CRAT: variants seen among roughly 807,000 people sequenced by gnomAD.
The protein encoded by CRAT is carnitine O-acetyltransferase, also known as carnitine acetylase.
Under a neutral mutation model 73.7 loss-of-function variants are expected in CRAT, and 66 were observed. That is an observed-to-expected ratio of 0.90 (90% CI 0.73 to 1.10). CRAT has a LOEUF of 1.10. Ranked by LOEUF, CRAT falls within the 50% of genes least tolerant of loss-of-function variation. The pLI is 0.00. For missense variants in CRAT, 745 were observed against 846.9 expected (o/e 0.88, Z 1.49); for synonymous variants, 321 against 343.2 (o/e 0.94, Z 0.71).
intron 2 of CRAT, among the ~76,000 whole-genome samples, chr9:129,105,334 T>C (rs1342673948): frequency 6.6e-6 from 1 of 152,104 alleles, no homozygotes; most frequent in Non-Finnish European, 1.5e-5. Flanking sequence ...TGAGTGACTT[T>C]TTTTTTGAGA....
chr9:129,110,348 C>T lies in CRAT; in HGVS notation c.27+135G>A. The T allele has an allele frequency of 1.1e-6, 1 of 913,580 alleles. No individual in the cohort carries two copies. 56.6% of individuals were successfully genotyped at this position (913,580 alleles called of 1,614,324 possible). Reference sequence around the variant, plus strand: ...CTCCTGCTCTGCCAAACCTGGGACGCCCGCCTGACCCCACCCCATCAGCTG... The same window carrying T: ...CTCCTGCTCTGCCAAACCTGGGACGTCCGCCTGACCCCACCCCATCAGCTG... On this transcript the variant is annotated intron_variant, in intron 1 of 13. Transcript: ENST00000318080. This position sits in a 1 kb window ranked among gnomAD's most constrained non-coding sequence, Gnocchi z 5.3.
In CRAT at chr9:129,095,515, G is replaced by A; in HGVS notation, c.1763C>T (p.Ser588Phe). The part of the protein sequence containing the change: ...YNPMEAHINF[S>F]LSAYNSCAET... Reference sequence around the variant, plus strand: ...CGCGCAGCTGTTGTAGGCCGACAGGGAGAAGTTGATGTGGGCCTCCATGGG... The same window carrying A: ...CGCGCAGCTGTTGTAGGCCGACAGGAAGAAGTTGATGTGGGCCTCCATGGG... Residue 588 changes from serine (S) to phenylalanine (F), a missense_variant, in exon 14 of 14, where the codon TCC becomes TTC. Coordinates refer to ENST00000318080, the MANE Select transcript of CRAT (RefSeq NM_000755.5). 1 of 1,613,566 alleles carries A rather than the reference G, an allele frequency of 6.2e-7. No homozygotes were observed. The highest frequency in any genetic ancestry group is 2.2e-5 in the East Asian group (1 of 44,892).
At chr9:129,109,192 C>A (rs575772012) in intron 1 of CRAT, 14 of 1,304,204 alleles carry the variant, frequency 1.1e-5, no homozygotes, top group Non-Finnish European at 1.4e-5. Context: ...TCAGAATCTG[C>A]GAAGATCGTT....
At chr9:129,108,523 G>A in intron 1 of CRAT, 1 of 1,169,324 alleles carries the variant, frequency 8.6e-7, no homozygotes, top group Non-Finnish European at 1.1e-6. Context: ...GAATCACAGA[G>A]AGCCAGACAA....
At position 129,104,188 on chromosome 9, in the gene CRAT, C is replaced by T. The variant is rs200112308; in HGVS notation, c.410G>A (p.Arg137Gln). The change falls in exon 3 of 14, where the codon CGA (arginine) becomes CAA (glutamine). Residue 137 changes from arginine to glutamine, a missense_variant and splice_region_variant. By Grantham distance (43) the Arg-to-Gln change is conservative. Transcript: ENST00000318080. ...TGGCCCCCAAACCCCAGCCACTCAC[C>T]GGAGCTGACCCTGCAGGTCCACGAA... ...QDFVDLQGQL[R>Q]FAAKLIEGVL... The T allele has an allele frequency of 3.9e-4, 632 of 1,604,468 alleles. No individual in the cohort carries two copies. Among genetic ancestry groups the T allele is most frequent in the Non-Finnish European group, 4.9e-4 (576 of 1,175,792 alleles).
chr9:129,098,027 C>T lies in CRAT; in HGVS notation c.1450G>A (p.Asp484Asn), dbSNP rs374685866. The T allele has an allele frequency of 1.2e-6, 2 of 1,613,850 alleles. No homozygotes were observed. The highest frequency in any genetic ancestry group is 2.2e-5 in the South Asian group (2 of 91,076). ...AGACCTCTCACCGTGACGCTGGAGT[C>T]ATCCATGGCCTTGACAAAGGTGAGT... is the stretch of plus-strand genomic sequence containing the variant. ...DSLTFVKAMDDSSVTEHQKVE... is the reference protein window; with the variant it reads ...DSLTFVKAMDNSSVTEHQKVE... The change falls in exon 11 of 14, where the codon GAC (aspartate) becomes AAC (asparagine). Residue 484 changes from aspartate to asparagine, a missense_variant. By Grantham distance (23) the Asp-to-Asn change is conservative. Coordinates refer to ENST00000318080, the MANE Select transcript of CRAT (RefSeq NM_000755.5).
chr9:129,106,868 C>G lies in CRAT; in HGVS notation c.291+946G>C, dbSNP rs757397889. 6.6e-6 allele frequency among the ~76,000 whole-genome samples: 1 copy of G among 152,184 alleles called. No individual in the cohort carries two copies. The highest frequency in any genetic ancestry group is 1.5e-5 in the Non-Finnish European group (1 of 68,034). ...TGGCAAATTCCACCCGTGCCCCCACCTCATTGGCAAGTGACACTGGCACTG... is the reference window on the plus strand; with the variant it reads ...TGGCAAATTCCACCCGTGCCCCCACGTCATTGGCAAGTGACACTGGCACTG... On this transcript the variant is annotated intron_variant, in intron 2 of 13. Coordinates refer to ENST00000318080, the MANE Select transcript of CRAT (RefSeq NM_000755.5). This position sits in a 1 kb window ranked among gnomAD's most constrained non-coding sequence, Gnocchi z 4.0.
intron 4 of CRAT, 95 bp from the exon 5 acceptor site, chr9:129,102,660 A>G: frequency 6.4e-6 from 9 of 1,403,910 alleles, no homozygotes; most frequent in Non-Finnish European, 8.9e-6. Context: ...CTGGGGGCTC[A>G]CACAGTGTCC....
chr9:129,102,341 G>A (rs940760457), intron 5 of CRAT, 59 bp downstream of exon 5: 73 of 1,602,002 alleles, frequency 4.6e-5, no homozygotes, highest in East Asian at 8.9e-5. Flanking sequence ...GACTGCGGCC[G>A]TCCGGCTGTA....
chr9:129,099,756 G>T, intron 8 of CRAT, 110 bp downstream of exon 8: 1 of 874,434 alleles, frequency 1.1e-6, no homozygotes, highest in Non-Finnish European at 1.7e-6. Flanking sequence ...GAAAAAAACA[G>T]ATTCCCAGGC....
chr9:129,095,471 G>A lies in CRAT; in HGVS notation c.1807C>T (p.Leu603=). 2 of 1,613,466 alleles carry A rather than the reference G, an allele frequency of 1.2e-6. No homozygotes were observed. The highest frequency in any genetic ancestry group is 1.7e-6 in the Non-Finnish European group (2 of 1,179,990). The change falls in exon 14 of 14, where the codon CTG becomes TTG. Residue 603 remains leucine, a synonymous_variant. Coordinates refer to ENST00000318080, the MANE Select transcript of CRAT (RefSeq NM_000755.5). The part of the protein sequence containing the change: ...NSCAETNAAR[L]AHYLEKALLD... Reference sequence around the variant, plus strand: ...AGCGCCTTCTCCAGGTAATGCGCCAGGCGGGCGGCGTTGGTCTCCGCGCAG... The same window carrying A: ...AGCGCCTTCTCCAGGTAATGCGCCAAGCGGGCGGCGTTGGTCTCCGCGCAG...
chr9:129,101,307 C>T (rs1462592483), intron 6 of CRAT, among the ~76,000 whole-genome samples: 1 of 152,166 alleles, frequency 6.6e-6, no homozygotes, highest in Non-Finnish European at 1.5e-5. Context: ...TGTGGGGTGC[C>T]TGTATAAACT....
In CRAT at chr9:129,103,035, C is replaced by T; in HGVS notation, c.442G>A (p.Asp148Asn). 1.2e-6 allele frequency: 2 copies of T among 1,614,116 alleles called. No homozygotes were observed. The highest frequency in any genetic ancestry group is 8.5e-7 in the Non-Finnish European group (1 of 1,179,970). The change falls in exon 4 of 14, where the codon GAT becomes AAT. Residue 148 changes from aspartate to asparagine, a missense_variant. Coordinates refer to ENST00000318080, the MANE Select transcript of CRAT (RefSeq NM_000755.5). This position sits in a 1 kb window ranked among gnomAD's most constrained non-coding sequence, Gnocchi z 4.6. ...CACTTGTCAATCATGACCTTGAAAT[C>T]CAACACACCCTCAATGAGTTTGGCA... ...FAAKLIEGVL[D>N]FKVMIDNETL...
chr9:129,097,899 C>T lies in CRAT; in HGVS notation c.1464+114G>A, dbSNP rs17486073. 0.019 allele frequency: 27,524 copies of T among 1,442,980 alleles called. 3,842 individuals carry two copies. The African/African-American group carries it at 0.32, about 17-fold the overall frequency. The allele number at this position is 1,442,980 out of a possible 1,614,324, so 89.4% of individuals were successfully genotyped here. ...CGGCTCCAGCTTCTGTTAGATTCCC[C>T]GTGCCCACCATGGGGCTGGAATCCT... On this transcript the variant is annotated intron_variant, in intron 11 of 13. Transcript: ENST00000318080.
Position 129,095,019 on chromosome 9 carries a change from G to A in CRAT, c.*378C>T, listed in dbSNP as rs1847187299. Reference sequence around the variant, plus strand: ...GGAAGCAGGGTACAGATGGTGGCCTGGTCATGGAGTTGGCAGGGAGTGGCC... The same window carrying A: ...GGAAGCAGGGTACAGATGGTGGCCTAGTCATGGAGTTGGCAGGGAGTGGCC... On this transcript the variant is annotated 3_prime_UTR_variant, in exon 14 of 14. Coordinates refer to ENST00000318080, the MANE Select transcript of CRAT (RefSeq NM_000755.5). 2 of 276,630 alleles carry A rather than the reference G, an allele frequency of 7.2e-6. No homozygotes were observed. The highest frequency in any genetic ancestry group is 9.1e-5 in the South Asian group (2 of 22,008). 17.1% of individuals were successfully genotyped at this position (276,630 alleles called of 1,614,324 possible). A position where few individuals can be genotyped will look rare whatever the true frequency, so the allele number is the denominator to read the frequency against.
At position 129,098,556 on chromosome 9, in the gene CRAT, C is replaced by T. The variant is rs145415027; in HGVS notation, c.1180G>A (p.Glu394Lys). The part of the protein sequence containing the change: ...NITPEIKSDI[E>K]KAKQNLSIMI... ...ATGCTGAGGTTCTGCTTGGCCTTCT[C>T]GATGTCGCTCTTGATCTCGGGGGTG... The change falls in exon 9 of 14, where the codon GAG becomes AAG. Residue 394 changes from glutamate (E) to lysine (K), a missense_variant. Physicochemically the swap from Glu to Lys is moderately conservative, Grantham distance 56. Coordinates refer to ENST00000318080, the MANE Select transcript of CRAT (RefSeq NM_000755.5). 5 of 1,607,484 alleles carry T rather than the reference C, an allele frequency of 3.1e-6. No individual in the cohort carries two copies. The highest frequency in any genetic ancestry group is 2.2e-5 in the East Asian group (1 of 44,756).
chr9:129,095,920 G>A, intron 13 of CRAT, 78 bp downstream of exon 13: 1 of 1,580,158 alleles, frequency 6.3e-7, no homozygotes. Context: ...ATGGGTCAGT[G>A]GGGCCTGTGT....
Position 129,095,466 on chromosome 9 carries a change from C to G in CRAT, c.1812G>C (p.Ala604=), listed in dbSNP as rs925634795. The change falls in exon 14 of 14, where the codon GCG becomes GCC. Residue 604 remains alanine (A), a synonymous_variant. Transcript: ENST00000318080. ...CCAGGAGCGCCTTCTCCAGGTAATG[C>G]GCCAGGCGGGCGGCGTTGGTCTCCG... The part of the protein sequence containing the change: ...SCAETNAARL[A]HYLEKALLDM... 4.3e-6 allele frequency: 7 copies of G among 1,613,298 alleles called. No individual in the cohort carries two copies. The Admixed American group carries it at 1.2e-4, about 27-fold the overall frequency.
chr9:129,100,007 T>TG (rs752354956), intron 7 of CRAT, 41 bp from the exon 8 acceptor site: 2 of 1,556,580 alleles, frequency 1.3e-6, no homozygotes, highest in East Asian at 2.3e-5. Context: ...CCCAGGGCCC[T>TG]GGGGGGTGGC....
Sources: gnomAD v4.1 joint callset for allele counts (sites outside exome capture counted in the v4.1 genomes callset) on GRCh38, gnomAD v4.1.1 for gene constraint, Gnocchi (gnomAD v3.1) non-coding constraint, MANE v1.5 for transcripts, NCBI Gene and HGNC (gene_info 2026-07-23, HGNC 2026-07-21) for gene names.